Variants in CCBE1 observed in about 807,000 individuals in gnomAD.
The protein encoded by CCBE1 is collagen and calcium-binding EGF domain-containing protein 1.
In CCBE1, 37 loss-of-function variants were observed where a neutral mutation model predicts 50.0. The ratio of observed to expected loss-of-function variants is 0.74; its 90% CI spans 0.57 to 0.97. The LOEUF is 0.97. Ranked by LOEUF, CCBE1 falls within the 50% of genes least tolerant of loss-of-function variation. The probability of loss-of-function intolerance (pLI) is 0.00; values close to 1 mark genes in which losing one functional copy is unlikely to be tolerated. For missense variants in CCBE1, 538 were observed against 523.8 expected (o/e 1.03, Z -0.26); for synonymous variants, 234 against 203.7 (o/e 1.15, Z -1.27).
intron 2 of CCBE1, among the ~76,000 whole-genome samples, chr18:59,637,091 T>C (rs1207815753): frequency 1.3e-5 from 2 of 152,156 alleles, no homozygotes; most frequent in African/African-American, 4.8e-5. Context: ...TAAGAAAAGA[T>C]CAAGAATGGA....
intron 2 of CCBE1, among the ~76,000 whole-genome samples, chr18:59,562,558 A>G (rs1053370783): frequency 2.6e-5 from 4 of 152,164 alleles, no homozygotes; most frequent in Admixed American, 1.3e-4. Flanking sequence ...TTTCAATAAT[A>G]AACCTGCTTT....
At chr18:59,541,118 T>A (rs1481123078) in intron 2 of CCBE1, among the ~76,000 whole-genome samples, 1 of 152,220 alleles carries the variant, frequency 6.6e-6, no homozygotes. Context: ...AGAGTAGCCA[T>A]AATGACATTA....
intron 2 of CCBE1, among the ~76,000 whole-genome samples, chr18:59,569,218 G>C (rs2052871806): frequency 6.6e-6 from 1 of 152,278 alleles, no homozygotes; most frequent in Admixed American, 6.5e-5. Context: ...GGTTGGCTGT[G>C]GTTCATTAAG....
intron 2 of CCBE1, among the ~76,000 whole-genome samples, chr18:59,646,043 G>GA (rs549025764): frequency 3.6e-4 from 52 of 145,248 alleles, no homozygotes; most frequent in Admixed American, 1.4e-3. Context: ...CAAAAAAAAA[G>GA]AAAAAAAAAA....
In CCBE1 at chr18:59,674,709, G is replaced by A. The variant is rs1478242306; in HGVS notation, c.212+21920C>T. Among the ~76,000 whole-genome samples the A allele has an allele frequency of 4.6e-5, 7 of 152,154 alleles. No individual in the cohort carries two copies. The South Asian group carries it at 1.4e-3, about 31-fold the overall frequency. ...AAGTTATTAAGTGTTTGTTTGACAG[G>A]ATCCAGGAAAATTTAGCAAGCACAA... On this transcript the variant is annotated intron_variant, in intron 2 of 10. Coordinates refer to ENST00000439986, the MANE Select transcript of CCBE1 (RefSeq NM_133459.4).
At chr18:59,637,040 A>C (rs560481330) in intron 2 of CCBE1, among the ~76,000 whole-genome samples, 216 of 152,354 alleles carry the variant, frequency 1.4e-3, no homozygotes, top group African/African-American at 5.0e-3. Flanking sequence ...ATTTTCAGCA[A>C]ATGCTGGAAC....
At chr18:59,511,168 G>A (rs932888247) in intron 2 of CCBE1, among the ~76,000 whole-genome samples, 2 of 152,184 alleles carry the variant, frequency 1.3e-5, no homozygotes, top group African/African-American at 2.4e-5. Flanking sequence ...TTGTGCACTT[G>A]CAAGTACTGG....
intron 7 of CCBE1, among the ~76,000 whole-genome samples, chr18:59,444,354 C>T (rs1187949205): frequency 1.3e-5 from 2 of 152,066 alleles, no homozygotes; most frequent in African/African-American, 4.8e-5. Context: ...CCTAGGCTGG[C>T]CTCGAACTCC....
At chr18:59,518,262 G>A (rs903312168) in intron 2 of CCBE1, among the ~76,000 whole-genome samples, 1 of 152,206 alleles carries the variant, frequency 6.6e-6, no homozygotes, top group East Asian at 1.9e-4. Flanking sequence ...GCCGAGGCTG[G>A]CAGATCACTT....
intron 2 of CCBE1, among the ~76,000 whole-genome samples, chr18:59,630,397 A>G (rs960580360): frequency 7.2e-5 from 11 of 152,222 alleles, no homozygotes; most frequent in African/African-American, 2.4e-4. Flanking sequence ...AAGGTGTTGA[A>G]GCACTGGCAA....
At chr18:59,633,290 T>A (rs1465658537) in intron 2 of CCBE1, among the ~76,000 whole-genome samples, 1 of 152,246 alleles carries the variant, frequency 6.6e-6, no homozygotes, top group Non-Finnish European at 1.5e-5. Context: ...TCGCGACGAA[T>A]TACATGAAAA....
At chr18:59,629,793 A>G (rs1352114753) in intron 2 of CCBE1, among the ~76,000 whole-genome samples, 1 of 152,098 alleles carries the variant, frequency 6.6e-6, no homozygotes, top group African/African-American at 2.4e-5. Context: ...GAGGTTCTCA[A>G]CAGCTTGTCG....
At chr18:59,519,399 G>A (rs890833286) in intron 2 of CCBE1, among the ~76,000 whole-genome samples, 3 of 152,180 alleles carry the variant, frequency 2.0e-5, no homozygotes, top group Non-Finnish European at 2.9e-5. Context: ...CACTAAATAT[G>A]AGAATGATTG....
At chr18:59,585,714 C>T (rs1284479169) in intron 2 of CCBE1, among the ~76,000 whole-genome samples, 2 of 152,236 alleles carry the variant, frequency 1.3e-5, no homozygotes, top group African/African-American at 4.8e-5. Flanking sequence ...ATCCACTCCT[C>T]ATCCAGTATT....
intron 2 of CCBE1, among the ~76,000 whole-genome samples, chr18:59,544,154 G>A (rs1033557682): frequency 6.6e-6 from 1 of 152,064 alleles, no homozygotes; most frequent in African/African-American, 2.4e-5. Flanking sequence ...ATAAGCAGCC[G>A]ATTTCAAAGC....
At chr18:59,593,091 G>A (rs1164829427) in intron 2 of CCBE1, among the ~76,000 whole-genome samples, 4 of 152,218 alleles carry the variant, frequency 2.6e-5, no homozygotes, top group Admixed American at 6.5e-5. Flanking sequence ...TTTAGGACAT[G>A]GAGGGACATC....
At chr18:59,645,697 C>T (rs1038479428) in intron 2 of CCBE1, among the ~76,000 whole-genome samples, 2 of 152,170 alleles carry the variant, frequency 1.3e-5, no homozygotes, top group Admixed American at 6.5e-5. Context: ...GTTTTGAAAC[C>T]AATTCAGCCA....
At chr18:59,477,538 CTGTGTGTGTGTG>C (rs55840819) in intron 3 of CCBE1, among the ~76,000 whole-genome samples, 42,058 of 149,900 alleles carry the variant, frequency 0.28, 5,897 homozygotes, top group Non-Finnish European at 0.29. Flanking sequence ...TTCCATGTCT[CTGTGTGTGTGTG>C]TGTGTGTGTG....
At chr18:59,584,162 A>T (rs937364813) in intron 2 of CCBE1, among the ~76,000 whole-genome samples, 1 of 152,158 alleles carries the variant, frequency 6.6e-6, no homozygotes, top group African/African-American at 2.4e-5. Context: ...ATGGAATACT[A>T]TGAAGCCATA....
Sources: gnomAD v4.1 joint callset for allele counts (sites outside exome capture counted in the v4.1 genomes callset) on GRCh38, gnomAD v4.1.1 for gene constraint, MANE v1.5 for transcripts, NCBI Gene and HGNC (gene_info 2026-07-23, HGNC 2026-07-21) for gene names.